MKLN1: variants seen among roughly 807,000 people sequenced by gnomAD.
MKLN1 encodes the protein muskelin 1, also known as muskelin.
In MKLN1, 18 loss-of-function variants were observed where a neutral mutation model predicts 99.0. The observed-to-expected ratio is 0.18, with a 90% CI of 0.13 to 0.27. The LOEUF is 0.27. MKLN1 is among the 10% of genes least tolerant of loss of function. The pLI is 1.00. For synonymous variants in MKLN1, 288 were observed against 293.2 expected, an observed-to-expected ratio of 0.98 and a Z score of 0.18; for missense variants, 621 against 875.9, an observed-to-expected ratio of 0.71 and a Z score of 3.67.
chr7:131,390,760 C>T (rs1794176644), intron 4 of MKLN1, among the ~76,000 whole-genome samples: 1 of 152,050 alleles, frequency 6.6e-6, no homozygotes, highest in Non-Finnish European at 1.5e-5. Flanking sequence ...CAGTAGATCT[C>T]CAGAACTTAT....
intron 6 of MKLN1, among the ~76,000 whole-genome samples, chr7:131,407,746 T>G (rs919324952): frequency 6.6e-6 from 1 of 151,900 alleles, no homozygotes; most frequent in African/African-American, 2.4e-5. Context: ...GTATGCTGTA[T>G]TCTCTTTCCT....
intron 11 of MKLN1, 79 bp from the exon 12 acceptor site, chr7:131,445,695 T>G: frequency 8.0e-7 from 1 of 1,248,302 alleles, no homozygotes; most frequent in East Asian, 2.3e-5. Context: ...TGTAGAGGTT[T>G]AAGTTTTTAA....
chr7:131,176,343 T>A (rs1411841025), intron 2 of MKLN1, among the ~76,000 whole-genome samples: 1 of 152,232 alleles, frequency 6.6e-6, no homozygotes, highest in Non-Finnish European at 1.5e-5. Context: ...ATATTTTATT[T>A]TGTGGGTTTT....
intron 3 of MKLN1, among the ~76,000 whole-genome samples, chr7:131,281,550 A>G (rs1480900090): frequency 6.6e-6 from 1 of 152,104 alleles, no homozygotes; most frequent in Non-Finnish European, 1.5e-5. Flanking sequence ...TCAGCTTGTC[A>G]ATTTCTGTAA....
In MKLN1 at chr7:131,283,343, CCCCTCCTTCCTTCCTTCCTTCCTT is replaced by C. The variant is rs1382679395; in HGVS notation, c.-179+80372_-179+80395del. On this transcript the variant is annotated intron_variant, in intron 3 of 7. Transcript: ENST00000416992. ...CCTCCCTCCCTCCTTCCCTTCCCTT[CCCCTCCTTCCTTCCTTCCTTCCTT>C]CCTTCCTTCCTTCCTTCCTTCCTTC... Among the ~76,000 whole-genome samples, 154 of 74,682 alleles carry C rather than the reference CCCCTCCTTCCTTCCTTCCTTCCTT, an allele frequency of 2.1e-3. 6 individuals carry two copies. The highest frequency in any genetic ancestry group is 8.6e-3 in the African/African-American group (125 of 14,554). The allele number at this position is 74,682 out of a possible 152,430, so 49.0% of individuals were successfully genotyped here.
chr7:131,288,730 T>C (rs1375632315), intron 3 of MKLN1, among the ~76,000 whole-genome samples: 2 of 152,182 alleles, frequency 1.3e-5, no homozygotes, highest in Non-Finnish European at 2.9e-5. Flanking sequence ...TCTGCTAGTA[T>C]TGTGACTCTC....
At chr7:131,121,809 G>C (rs1459127267) in intron 1 of MKLN1, among the ~76,000 whole-genome samples, 1 of 152,118 alleles carries the variant, frequency 6.6e-6, no homozygotes, top group Non-Finnish European at 1.5e-5. Flanking sequence ...AGAGCTGCTG[G>C]AACTGGGTTT....
chr7:131,283,346 C>CCT (rs1563278415), intron 3 of MKLN1, among the ~76,000 whole-genome samples: 3,473 of 51,380 alleles, frequency 0.068, 280 homozygotes, highest in African/African-American at 0.12. Context: ...TTCCCTTCCC[C>CCT]TCCTTCCTTC....
At chr7:131,329,409 C>G (rs2116688407) in intron 1 of MKLN1, among the ~76,000 whole-genome samples, 1 of 152,288 alleles carries the variant, frequency 6.6e-6, no homozygotes, top group African/African-American at 2.4e-5. Flanking sequence ...TGAGAGTGAG[C>G]CAGATAAACA....
chr7:131,434,828 G>A lies in MKLN1; in HGVS notation c.961-2957G>A, dbSNP rs531901065. ...CCACCTTGGCCTCCCAAAGTGATGG[G>A]GTTACAGGCATGAGCCACCAGGCCC... is the stretch of plus-strand genomic sequence containing the variant. On this transcript the variant is annotated intron_variant, in intron 9 of 17. Transcript: ENST00000352689. Among the ~76,000 whole-genome samples the A allele has an allele frequency of 2.0e-5, 3 of 152,226 alleles. No individual in the cohort carries two copies. In the South Asian group the frequency reaches 6.2e-4, roughly 32 times the overall value.
chr7:131,304,175 A>G (rs1434028659), intron 3 of MKLN1, among the ~76,000 whole-genome samples: 1 of 152,148 alleles, frequency 6.6e-6, no homozygotes, highest in Non-Finnish European at 1.5e-5. Flanking sequence ...GGAGTTTGAG[A>G]CCAGCCTGGG....
intron 3 of MKLN1, among the ~76,000 whole-genome samples, chr7:131,308,667 C>T (rs1485718947): frequency 1.3e-5 from 2 of 151,964 alleles, no homozygotes; most frequent in South Asian, 2.1e-4. Flanking sequence ...CTCACCGCAA[C>T]GTCCATCTCC....
At chr7:131,415,823 T>C (rs1795001912) in intron 8 of MKLN1, among the ~76,000 whole-genome samples, 1 of 152,242 alleles carries the variant, frequency 6.6e-6, no homozygotes, top group Admixed American at 6.5e-5. Flanking sequence ...TATTTATGAA[T>C]ATAGACATGA....
intron 1 of MKLN1, among the ~76,000 whole-genome samples, chr7:131,353,271 G>A (rs769099816): frequency 2.0e-5 from 3 of 152,026 alleles, no homozygotes; most frequent in Non-Finnish European, 4.4e-5. Context: ...TGAGCATTTG[G>A]TGTCATCACT....
At chr7:131,403,377 T>A (rs1193158346) in intron 6 of MKLN1, among the ~76,000 whole-genome samples, 1 of 152,090 alleles carries the variant, frequency 6.6e-6, no homozygotes, top group African/African-American at 2.4e-5. Context: ...CTTAAGGGAG[T>A]GTTATGACTG....
chr7:131,429,831 C>T (rs948445970), intron 9 of MKLN1, among the ~76,000 whole-genome samples: 1 of 152,190 alleles, frequency 6.6e-6, no homozygotes, highest in Non-Finnish European at 1.5e-5. Context: ...CCACCCGCCT[C>T]GGCCTCCCAA....
rs937769839 is a variant in MKLN1 at position 131,480,639 on chromosome 7, C to T, written c.2086+1962C>T. ...AATGATTTACCACTATTCATACACTCGAGTTGAAGACCTTAGGCTACTAGA... is the reference window on the plus strand; with the variant it reads ...AATGATTTACCACTATTCATACACTTGAGTTGAAGACCTTAGGCTACTAGA... On this transcript the variant is annotated intron_variant, in intron 17 of 17. Transcript: ENST00000352689. Among the ~76,000 whole-genome samples the T allele has an allele frequency of 2.0e-5, 3 of 152,276 alleles. No homozygotes were observed. In the East Asian group the frequency reaches 5.8e-4, roughly 29 times the overall value.
chr7:131,199,858 T>C (rs1796701965), intron 2 of MKLN1, among the ~76,000 whole-genome samples: 1 of 151,968 alleles, frequency 6.6e-6, no homozygotes, highest in African/African-American at 2.4e-5. Context: ...CATGCCCAGC[T>C]AATTTTTTAA....
intron 1 of MKLN1, among the ~76,000 whole-genome samples, chr7:131,131,905 G>A (rs1259136617): frequency 3.2e-4 from 49 of 152,126 alleles, no homozygotes; most frequent in Non-Finnish European, 5.9e-5. Context: ...CGCAGTGCAG[G>A]TAGTATTAGC....
Sources: gnomAD v4.1 joint callset for allele counts (sites outside exome capture counted in the v4.1 genomes callset) on GRCh38, gnomAD v4.1.1 for gene constraint, MANE v1.5 for transcripts, NCBI Gene and HGNC (gene_info 2026-07-23, HGNC 2026-07-21) for gene names.